Variants in SHISA9 observed in about 807,000 individuals in gnomAD.
SHISA9 encodes shisa family member 9, also known as protein shisa-9.
A neutral mutation model predicts 38.0 loss-of-function variants in SHISA9; 13 were observed. That is an observed-to-expected ratio of 0.34 (90% CI 0.22 to 0.54). The LOEUF (loss-of-function observed/expected upper bound fraction) is 0.54, where lower values mean the gene tolerates loss of function less well. Among genes scored for constraint, SHISA9 ranks in the 20% least tolerant of loss-of-function variants. SHISA9 has a pLI of 0.91. For synonymous variants in SHISA9, 275 were observed against 242.0 expected, an observed-to-expected ratio of 1.14 and a Z score of -1.27; for missense variants, 538 against 575.8, an observed-to-expected ratio of 0.93 and a Z score of 0.67.
At chr16:13,085,160 C>A (rs1350879469) in intron 2 of SHISA9, among the ~76,000 whole-genome samples, 2 of 152,166 alleles carry the variant, frequency 1.3e-5, no homozygotes, top group Non-Finnish European at 1.5e-5. Context: ...CAACTGGCAG[C>A]ATTGCAGACT....
At chr16:13,259,175 G>A in the SHISA9 span, among the ~76,000 whole-genome samples, 759 of 152,228 alleles carry the variant, frequency 5.0e-3, 7 homozygotes, top group African/African-American at 0.018. Context: ...GGGGTTACAG[G>A]GCCCATGCAA....
chr16:13,271,020 T>G, the SHISA9 span, among the ~76,000 whole-genome samples: 3 of 152,148 alleles, frequency 2.0e-5, no homozygotes, highest in South Asian at 6.2e-4. Context: ...TCTGAGAGTT[T>G]AGGAAAGTGT....
intron 2 of SHISA9, among the ~76,000 whole-genome samples, chr16:13,190,560 G>C (rs1006301925): frequency 6.6e-6 from 1 of 152,162 alleles, no homozygotes; most frequent in Admixed American, 6.5e-5. Context: ...GGATTAGGTG[G>C]CCCTCTCTTG....
chr16:12,977,094 G>A (rs1370133544), intron 2 of SHISA9, among the ~76,000 whole-genome samples: 2 of 152,178 alleles, frequency 1.3e-5, no homozygotes, highest in Non-Finnish European at 2.9e-5. Context: ...CCAGTGAAAT[G>A]TGAATGGAAG....
chr16:13,196,120 A>T (rs111622212), intron 2 of SHISA9, among the ~76,000 whole-genome samples: 2 of 104,006 alleles, frequency 1.9e-5, no homozygotes, highest in Non-Finnish European at 4.0e-5. Flanking sequence ...AAAAAAGGCC[A>T]GGTGTGGTGG....
intron 2 of SHISA9, among the ~76,000 whole-genome samples, chr16:13,001,032 A>G (rs1352761782): frequency 6.6e-6 from 1 of 152,056 alleles, no homozygotes; most frequent in African/African-American, 2.4e-5. Context: ...GGTTCAAGCG[A>G]TTCTCCTGCC....
rs146943963 is a variant in SHISA9, at chr16:13,156,840, A to T, written c.692-46554A>T. Among the ~76,000 whole-genome samples the T allele has an allele frequency of 2.0e-5, 3 of 152,266 alleles. No homozygotes were observed. In the East Asian group the frequency reaches 5.8e-4, roughly 29 times the overall value. On this transcript the variant is annotated intron_variant, in intron 2 of 4. Coordinates refer to ENST00000558583, the MANE Select transcript of SHISA9 (RefSeq NM_001145204.3). ...ACACCAAACCCTATGCACACTCCTA[A>T]CTATGGATACGTATAATCAGGTAGT...
At chr16:13,277,844 G>A in the SHISA9 span, among the ~76,000 whole-genome samples, 7 of 151,888 alleles carry the variant, frequency 4.6e-5, no homozygotes, top group African/African-American at 9.7e-5. Context: ...CAAGGTAAAC[G>A]ATCATATGGT....
intron 2 of SHISA9, among the ~76,000 whole-genome samples, chr16:13,031,364 C>A (rs530505826): frequency 6.6e-6 from 1 of 152,268 alleles, no homozygotes; most frequent in East Asian, 1.9e-4. Context: ...CCATTGCACC[C>A]TCTCCATGGG....
At chr16:13,116,604 A>G (rs1033265303) in intron 2 of SHISA9, among the ~76,000 whole-genome samples, 1 of 152,194 alleles carries the variant, frequency 6.6e-6, no homozygotes, top group African/African-American at 2.4e-5. Context: ...AAAACTGTGC[A>G]TTTGAATCCC....
intron 2 of SHISA9, among the ~76,000 whole-genome samples, chr16:12,961,902 C>T (rs749566592): frequency 2.0e-4 from 31 of 152,222 alleles, no homozygotes; most frequent in Non-Finnish European, 2.2e-4. Context: ...CAGGGAGTCA[C>T]ACCTTCCAGT....
chr16:13,516,383 T>C, the SHISA9 span, among the ~76,000 whole-genome samples: 2 of 152,238 alleles, frequency 1.3e-5, no homozygotes, highest in African/African-American at 4.8e-5. Flanking sequence ...ACCACATTTT[T>C]GGAGAAAACC....
intron 2 of SHISA9, among the ~76,000 whole-genome samples, chr16:13,163,587 G>T (rs1024197953): frequency 7.2e-5 from 11 of 152,028 alleles, no homozygotes; most frequent in African/African-American, 2.7e-4. Flanking sequence ...GGAAAGAAAT[G>T]ATAGCTTAAA....
At chr16:13,250,185 A>G in the SHISA9 span, among the ~76,000 whole-genome samples, 5 of 152,218 alleles carry the variant, frequency 3.3e-5, no homozygotes, top group Non-Finnish European at 7.3e-5. Context: ...TGCAAAGCAC[A>G]TAAAGTTCTG....
chr16:13,414,596 T>A, the SHISA9 span, among the ~76,000 whole-genome samples: 1 of 152,056 alleles, frequency 6.6e-6, no homozygotes, highest in African/African-American at 2.4e-5. Flanking sequence ...CAAAACAAAT[T>A]TTTGTTAATT....
intron 2 of SHISA9, among the ~76,000 whole-genome samples, chr16:13,149,551 T>C (rs944308178): frequency 2.6e-5 from 4 of 152,186 alleles, no homozygotes; most frequent in African/African-American, 9.7e-5. Flanking sequence ...TACTAGCTCC[T>C]TGACCCTGAG....
the SHISA9 span, among the ~76,000 whole-genome samples, chr16:13,463,763 A>G: frequency 6.6e-6 from 1 of 152,214 alleles, no homozygotes; most frequent in Non-Finnish European, 1.5e-5. Flanking sequence ...AAATGGGCTA[A>G]TCAGCAGGCA....
At chr16:12,906,462 G>T (rs562449323) in intron 1 of SHISA9, among the ~76,000 whole-genome samples, 2 of 152,060 alleles carry the variant, frequency 1.3e-5, no homozygotes, top group East Asian at 1.9e-4. Context: ...AGGAAGCGGT[G>T]GGGGGAGGCT....
intron 2 of SHISA9, among the ~76,000 whole-genome samples, chr16:13,105,313 G>A (rs1567213678): frequency 6.6e-6 from 1 of 152,168 alleles, no homozygotes; most frequent in East Asian, 1.9e-4. Flanking sequence ...GTCTAAGCTT[G>A]GAGGAGATGC....
Sources: allele counts gnomAD v4.1 joint callset (sites outside exome capture counted in the v4.1 genomes callset), GRCh38; gene constraint gnomAD v4.1.1; transcripts MANE v1.5; gene names NCBI Gene and HGNC (gene_info 2026-07-23, HGNC 2026-07-21).